PDE7B: variants seen among roughly 807,000 people sequenced by gnomAD.
The protein encoded by PDE7B is 3',5'-cyclic-AMP phosphodiesterase 7B.
A neutral mutation model predicts 56.2 loss-of-function variants in PDE7B; 29 were observed. The observed-to-expected ratio is 0.52, with a 90% CI of 0.38 to 0.70. The LOEUF (loss-of-function observed/expected upper bound fraction) is 0.70. Ranked by LOEUF, PDE7B falls within the 30% of genes least tolerant of loss-of-function variation. PDE7B has a pLI of 0.00. For synonymous variants in PDE7B, 197 were observed against 196.9 expected, an observed-to-expected ratio of 1.00 and a Z score of 0.00; for missense variants, 490 against 565.0, an observed-to-expected ratio of 0.87 and a Z score of 1.35.
At chr6:135,952,169 C>T (rs1395564302) in intron 2 of PDE7B, among the ~76,000 whole-genome samples, 3 of 151,596 alleles carry the variant, frequency 2.0e-5, no homozygotes, top group South Asian at 2.1e-4. Flanking sequence ...GATGTCTGCC[C>T]TAAATATTGT....
chr6:136,054,853 C>A lies in PDE7B; in HGVS notation c.83-53878C>A, dbSNP rs181637815. Reference sequence around the variant, plus strand: ...AAGGGACATCTTACATGATGGCAGGCAAAGAGAGTGTGTGCAGGGGAACTA... The same window carrying A: ...AAGGGACATCTTACATGATGGCAGGAAAAGAGAGTGTGTGCAGGGGAACTA... On this transcript the variant is annotated intron_variant, in intron 2 of 12. Transcript: ENST00000308191. Among the ~76,000 whole-genome samples the A allele has an allele frequency of 1.5e-4, 23 of 152,282 alleles. 1 individual carries two copies. The East Asian group carries it at 4.4e-3, about 29-fold the overall frequency.
rs576115091 is a variant in PDE7B at position 135,857,907 on chromosome 6, T to G, written c.21+5888T>G. Among the ~76,000 whole-genome samples the G allele has an allele frequency of 2.6e-5, 4 of 152,276 alleles. No homozygotes were observed. The South Asian group carries it at 8.3e-4, about 32-fold the overall frequency. ...TTTAAAAATTTCTGGAAATTTGAAT[T>G]AAAAACTTAACAAACAATGCCTTGG... On this transcript the variant is annotated intron_variant, in intron 1 of 12. Transcript: ENST00000308191.
At chr6:136,175,182 T>A (rs1207734675) in intron 9 of PDE7B, among the ~76,000 whole-genome samples, 3 of 152,248 alleles carry the variant, frequency 2.0e-5, no homozygotes, top group African/African-American at 7.2e-5. Flanking sequence ...TTTTTATGTG[T>A]CTTTGTGGAA....
chr6:135,885,034 A>G (rs960448693), intron 1 of PDE7B, among the ~76,000 whole-genome samples: 3 of 152,106 alleles, frequency 2.0e-5, no homozygotes, highest in African/African-American at 7.2e-5. Context: ...GCCGTCACTT[A>G]ACTTGTGTAG....
chr6:135,928,483 TTATTTA>T (rs372523514), intron 1 of PDE7B, among the ~76,000 whole-genome samples: 6 of 96,860 alleles, frequency 6.2e-5, no homozygotes, highest in South Asian at 3.3e-4. Flanking sequence ...ATATATATAT[TTATTTA>T]TATATATATA....
chr6:136,085,964 C>T (rs1273061843), intron 2 of PDE7B, among the ~76,000 whole-genome samples: 3 of 152,298 alleles, frequency 2.0e-5, no homozygotes, highest in African/African-American at 7.2e-5. Flanking sequence ...ATTACTCATC[C>T]TTAGAATGTT....
intron 2 of PDE7B, among the ~76,000 whole-genome samples, chr6:136,083,876 A>G (rs1449175350): frequency 6.6e-6 from 1 of 152,148 alleles, no homozygotes; most frequent in Non-Finnish European, 1.5e-5. Flanking sequence ...CATCAGATAC[A>G]AGAGACATAG....
chr6:136,158,054 G>C (rs1306766476), intron 8 of PDE7B, among the ~76,000 whole-genome samples: 1 of 152,188 alleles, frequency 6.6e-6, no homozygotes, highest in Non-Finnish European at 1.5e-5. Flanking sequence ...GGAACTGGCA[G>C]AAATCTTCAA....
chr6:136,137,865 G>T (rs1778242757), intron 3 of PDE7B, among the ~76,000 whole-genome samples: 1 of 152,040 alleles, frequency 6.6e-6, no homozygotes, highest in African/African-American at 2.4e-5. Flanking sequence ...CACCAAAGTA[G>T]TGCAAAAATG....
At chr6:135,901,094 G>A (rs375177296) in intron 1 of PDE7B, among the ~76,000 whole-genome samples, 3 of 152,136 alleles carry the variant, frequency 2.0e-5, no homozygotes, top group Admixed American at 6.6e-5. Context: ...AGTAGCAACC[G>A]CTGCTAAGGT....
chr6:136,087,159 T>C (rs1226000432), intron 2 of PDE7B, among the ~76,000 whole-genome samples: 2 of 152,226 alleles, frequency 1.3e-5, no homozygotes, highest in Non-Finnish European at 2.9e-5. Flanking sequence ...AATAATTTTA[T>C]GGTTTAATTG....
chr6:135,934,777 T>TATATATATATTTTAAATATATATATA (rs1562444870), intron 1 of PDE7B, among the ~76,000 whole-genome samples: 1 of 92,952 alleles, frequency 1.1e-5, no homozygotes, highest in African/African-American at 4.5e-5. Flanking sequence ...ATATATATAT[T>TATATATATATTTTAAATATATATATA]TATTATATAT....
intron 1 of PDE7B, among the ~76,000 whole-genome samples, chr6:135,854,989 G>A (rs1774999436): frequency 6.6e-6 from 1 of 152,192 alleles, no homozygotes; most frequent in Non-Finnish European, 1.5e-5. Flanking sequence ...GAGTTGATGT[G>A]TACTTAGAGA....
chr6:136,036,881 C>T (rs1389645162), intron 2 of PDE7B, among the ~76,000 whole-genome samples: 2 of 152,226 alleles, frequency 1.3e-5, no homozygotes, highest in Non-Finnish European at 2.9e-5. Context: ...ATTGTTCCTA[C>T]AAACCCAATT....
intron 1 of PDE7B, among the ~76,000 whole-genome samples, chr6:135,889,596 A>G (rs1472165391): frequency 6.7e-6 from 1 of 150,134 alleles, no homozygotes; most frequent in Non-Finnish European, 1.5e-5. Context: ...GCCCACCACC[A>G]GGCCCAGCTA....
intron 2 of PDE7B, among the ~76,000 whole-genome samples, chr6:135,957,483 C>A (rs1774818340): frequency 1.3e-5 from 2 of 152,132 alleles, no homozygotes; most frequent in Admixed American, 6.5e-5. Context: ...AAAGACCCTT[C>A]CCTTTATTCT....
At chr6:136,087,076 G>C (rs897023508) in intron 2 of PDE7B, among the ~76,000 whole-genome samples, 12 of 152,186 alleles carry the variant, frequency 7.9e-5, no homozygotes, top group East Asian at 1.9e-4. Context: ...TCCTTCATAG[G>C]TTGGTTAGAA....
intron 2 of PDE7B, among the ~76,000 whole-genome samples, chr6:135,962,296 G>A (rs2128201600): frequency 6.6e-6 from 1 of 152,198 alleles, no homozygotes; most frequent in Admixed American, 6.5e-5. Flanking sequence ...ACTTGCTCTA[G>A]GAATGAAACA....
intron 2 of PDE7B, among the ~76,000 whole-genome samples, chr6:135,982,314 C>T (rs767662720): frequency 1.8e-4 from 28 of 152,306 alleles, no homozygotes; most frequent in Middle Eastern, 3.4e-3. Flanking sequence ...GAGCCTGTTT[C>T]TGCTTCTCTG....
Sources: allele counts gnomAD v4.1 joint callset (sites outside exome capture counted in the v4.1 genomes callset), GRCh38; gene constraint gnomAD v4.1.1; transcripts MANE v1.5; gene names NCBI Gene and HGNC (gene_info 2026-07-23, HGNC 2026-07-21).